The following GTF2A1L variants were observed in gnomAD, a reference collection of about 807,000 sequenced individuals.
GTF2A1L encodes TFIIA-alpha and beta-like factor.
In GTF2A1L, 48 loss-of-function variants were observed where a neutral mutation model predicts 49.7. The observed-to-expected ratio is 0.97, with a 90% CI of 0.77 to 1.23. The LOEUF (loss-of-function observed/expected upper bound fraction) is 1.23, where lower values mean the gene tolerates loss of function less well. GTF2A1L is among the 50% of genes most tolerant of loss of function. The pLI is 0.00. For synonymous variants in GTF2A1L, 246 were observed against 193.5 expected (o/e 1.27, Z -2.25); for missense variants, 736 against 564.8 (o/e 1.30, Z -3.07).
At chr2:48,654,656 A>T (rs901454498) in intron 6 of GTF2A1L, among the ~76,000 whole-genome samples, 1 of 152,058 alleles carries the variant, frequency 6.6e-6, no homozygotes, top group Non-Finnish European at 1.5e-5. Flanking sequence ...AGTGCTGGGG[A>T]AACAGGGGTG....
At chr2:48,657,556 A>G (rs903194156) in intron 6 of GTF2A1L, among the ~76,000 whole-genome samples, 3 of 152,212 alleles carry the variant, frequency 2.0e-5, no homozygotes, top group African/African-American at 4.8e-5. Flanking sequence ...TAGTACTTCA[A>G]TAAACATAAG....
At chr2:48,622,984 C>G (rs145401896) in intron 3 of GTF2A1L, among the ~76,000 whole-genome samples, 6 of 152,048 alleles carry the variant, frequency 3.9e-5, no homozygotes, top group Non-Finnish European at 7.4e-5. Flanking sequence ...TTACTCAGCT[C>G]CTTATTCTGT....
chr2:48,679,220 A>G, intron 8 of GTF2A1L, 115 bp from the exon 9 acceptor site: 1 of 1,316,496 alleles, frequency 7.6e-7, no homozygotes. Context: ...AGGAGATTTT[A>G]ATTTTAAGGC....
At position 48,626,638 on chromosome 2, in the gene GTF2A1L, C is replaced by T. The variant is rs903987977; in HGVS notation, c.247+5348C>T. ...TCCAGGCTGGAGTGCAGTGGCACAA[C>T]CTTGGCTCACTGCAGCCTCCACCCC... On this transcript the variant is annotated intron_variant, in intron 3 of 8. Transcript: ENST00000403751. Among the ~76,000 whole-genome samples, 7 of 143,470 alleles carry T rather than the reference C, an allele frequency of 4.9e-5. 2 individuals carry two copies. The highest frequency in any genetic ancestry group is 4.7e-4 in the South Asian group (2 of 4,234). 94.1% of individuals were successfully genotyped at this position (143,470 alleles called of 152,430 possible). A position where few individuals can be genotyped will look rare whatever the true frequency, so the allele number is the denominator to read the frequency against.
At chr2:48,665,204 G>T (rs192384842) in intron 6 of GTF2A1L, among the ~76,000 whole-genome samples, 212 of 151,858 alleles carry the variant, frequency 1.4e-3, no homozygotes, top group Non-Finnish European at 2.3e-3. Context: ...TTACGGGTGC[G>T]AGCCACCCTG....
At chr2:48,675,839 G>C (rs1160452435) in intron 8 of GTF2A1L, among the ~76,000 whole-genome samples, 2 of 151,488 alleles carry the variant, frequency 1.3e-5, no homozygotes, top group Non-Finnish European at 3.0e-5. Context: ...AGAGAGATAT[G>C]TATATATGTG....
intron 4 of GTF2A1L, 152 bp from the exon 5 acceptor site, chr2:48,644,881 T>C: frequency 1.6e-6 from 1 of 627,178 alleles, no homozygotes; most frequent in Non-Finnish European, 2.6e-6. Context: ...TTGAAAACTA[T>C]TTTATTCAAA....
chr2:48,645,179 G>C, intron 5 of GTF2A1L, 62 bp downstream of exon 5: 1 of 1,452,050 alleles, frequency 6.9e-7, no homozygotes, highest in South Asian at 1.3e-5. Flanking sequence ...TGGACATTAA[G>C]CTTCATGATT....
intron 3 of GTF2A1L, among the ~76,000 whole-genome samples, chr2:48,624,998 C>T (rs1230940566): frequency 1.4e-5 from 2 of 144,000 alleles, no homozygotes; most frequent in African/African-American, 2.5e-5. Context: ...TCTTGGCTAT[C>T]GTGAGTAATA....
chr2:48,662,208 T>G (rs963819093), intron 6 of GTF2A1L, among the ~76,000 whole-genome samples: 2 of 152,268 alleles, frequency 1.3e-5, no homozygotes, highest in African/African-American at 4.8e-5. Context: ...TACAGATTAC[T>G]TCTTCATATT....
At chr2:48,658,155 A>T (rs919748418) in intron 6 of GTF2A1L, among the ~76,000 whole-genome samples, 2 of 152,050 alleles carry the variant, frequency 1.3e-5, no homozygotes, top group African/African-American at 4.8e-5. Flanking sequence ...CTTTTGAATA[A>T]TTAGTTATAA....
chr2:48,642,338 A>G (rs956031561), intron 3 of GTF2A1L, 64 bp from the exon 4 acceptor site: 3 of 1,414,160 alleles, frequency 2.1e-6, no homozygotes, highest in Admixed American at 1.9e-5. Context: ...AATAAGCTAT[A>G]TTTAGTGATT....
At chr2:48,621,903 G>T (rs1444000404) in intron 3 of GTF2A1L, among the ~76,000 whole-genome samples, 1 of 152,164 alleles carries the variant, frequency 6.6e-6, no homozygotes, top group African/African-American at 2.4e-5. Context: ...GCTAATAAAA[G>T]ATAAAACTTA....
chr2:48,654,325 T>A (rs1209641704), intron 6 of GTF2A1L, among the ~76,000 whole-genome samples: 1 of 152,196 alleles, frequency 6.6e-6, no homozygotes, highest in Non-Finnish European at 1.5e-5. Flanking sequence ...AAAAACTGTA[T>A]AGTTATAGTT....
At chr2:48,652,949 G>A (rs916095864) in intron 6 of GTF2A1L, among the ~76,000 whole-genome samples, 1 of 151,852 alleles carries the variant, frequency 6.6e-6, no homozygotes, top group African/African-American at 2.4e-5. Context: ...TCAAATTTAG[G>A]CCGGGCACGG....
intron 6 of GTF2A1L, among the ~76,000 whole-genome samples, chr2:48,647,789 A>C (rs1010309846): frequency 2.6e-5 from 4 of 152,242 alleles, no homozygotes; most frequent in African/African-American, 9.6e-5. Flanking sequence ...TTTAATTTTC[A>C]AGGAATTCAT....
chr2:48,676,795 T>C (rs1418035611), intron 8 of GTF2A1L, among the ~76,000 whole-genome samples: 1 of 151,634 alleles, frequency 6.6e-6, no homozygotes, highest in African/African-American at 2.4e-5. Context: ...TCTTCAAGTA[T>C]TTCATATATA....
At chr2:48,667,272 T>C (rs1678906137) in intron 6 of GTF2A1L, among the ~76,000 whole-genome samples, 1 of 152,150 alleles carries the variant, frequency 6.6e-6, no homozygotes, top group Admixed American at 6.6e-5. Flanking sequence ...TTAATTTTGA[T>C]TGAATGTCAG....
At chr2:48,649,156 G>C (rs944324817) in intron 6 of GTF2A1L, among the ~76,000 whole-genome samples, 7 of 152,016 alleles carry the variant, frequency 4.6e-5, no homozygotes, top group South Asian at 2.1e-4. Context: ...GACTCTTCTA[G>C]GTACTTTAAA....
Sources: allele counts gnomAD v4.1 joint callset (sites outside exome capture counted in the v4.1 genomes callset), GRCh38; gene constraint gnomAD v4.1.1; transcripts MANE v1.5; gene names NCBI Gene and HGNC (gene_info 2026-07-23, HGNC 2026-07-21).